NDUFA10: variants seen among roughly 807,000 people sequenced by gnomAD.
The protein encoded by NDUFA10 is NADH:ubiquinone oxidoreductase subunit A10, also known as NADH dehydrogenase [ubiquinone] 1 alpha subcomplex subunit 10, mitochondrial.
NDUFA10 carries 40 observed loss-of-function variants against 47.8 expected under a neutral mutation model. That is an observed-to-expected ratio of 0.84 (90% confidence interval 0.65 to 1.09). The LOEUF (loss-of-function observed/expected upper bound fraction) is 1.09, where lower values mean the gene tolerates loss of function less well. NDUFA10 is among the 50% of genes least tolerant of loss of function. NDUFA10 has a pLI of 0.00. For synonymous variants in NDUFA10, 183 were observed against 172.2 expected, an observed-to-expected ratio of 1.06 and a Z score of -0.49; for missense variants, 413 against 451.1, an observed-to-expected ratio of 0.92 and a Z score of 0.76.
intron 9 of NDUFA10, among the ~76,000 whole-genome samples, chr2:239,979,827 C>T (rs913377893): frequency 6.6e-6 from 1 of 152,128 alleles, no homozygotes; most frequent in Non-Finnish European, 1.5e-5. Flanking sequence ...GTGGCAGCTG[C>T]GGACCCCGGC....
At chr2:239,964,323 G>A (rs748033339) in intron 9 of NDUFA10, among the ~76,000 whole-genome samples, 1 of 152,162 alleles carries the variant, frequency 6.6e-6, no homozygotes, top group Non-Finnish European at 1.5e-5. Flanking sequence ...GTGGGGCCAG[G>A]TGCTGAGGAA....
intron 6 of NDUFA10, among the ~76,000 whole-genome samples, chr2:240,009,334 A>G (rs1697056972): frequency 6.6e-6 from 1 of 152,350 alleles, no homozygotes; most frequent in Middle Eastern, 3.4e-3. Flanking sequence ...ACTGGGAGCT[A>G]GCAGTGTTGG....
chr2:239,974,571 T>C (rs979508780), intron 9 of NDUFA10, among the ~76,000 whole-genome samples: 1 of 152,256 alleles, frequency 6.6e-6, no homozygotes, highest in African/African-American at 2.4e-5. Flanking sequence ...GGGAAGTGTT[T>C]GGATCATGCG....
At chr2:239,921,474 T>C (rs1693981869) in intron 4 of NDUFA10, among the ~76,000 whole-genome samples, 1 of 152,164 alleles carries the variant, frequency 6.6e-6, no homozygotes, top group African/African-American at 2.4e-5. Context: ...GTGCCCTTTT[T>C]TCAATCTTCC....
chr2:240,024,196 T>C (rs1310066413), intron 1 of NDUFA10, among the ~76,000 whole-genome samples: 4 of 152,258 alleles, frequency 2.6e-5, no homozygotes, highest in African/African-American at 9.6e-5. Flanking sequence ...GCTTTATTCA[T>C]AATTGCCAAA....
At chr2:239,956,049 C>G (rs2106387136), downstream of NDUFA10, among the ~76,000 whole-genome samples, 1 of 152,310 alleles carries the variant, frequency 6.6e-6, no homozygotes, top group South Asian at 2.1e-4. Flanking sequence ...AGCCAGGTTC[C>G]AGGCAGGGAC....
chr2:239,951,559 G>A (rs1291930243), intron 4 of NDUFA10, among the ~76,000 whole-genome samples: 1 of 152,180 alleles, frequency 6.6e-6, no homozygotes, highest in Non-Finnish European at 1.5e-5. Flanking sequence ...GGTCCCCTCA[G>A]CACCCAGTAC....
chr2:239,960,970 G>A lies in NDUFA10; in HGVS notation c.*148C>T. 1.3e-6 allele frequency: 2 copies of A among 1,537,444 alleles called. No homozygotes were observed. The highest frequency in any genetic ancestry group is 1.8e-6 in the Non-Finnish European group (2 of 1,141,398). On this transcript the variant is annotated 3_prime_UTR_variant, in exon 10 of 10. Transcript: ENST00000252711. Reference sequence around the variant, plus strand: ...ACTCCATTACCTATACTACAGGATGGATTGCTTTTTGTGAGACCCCTTCTT... The same window carrying A: ...ACTCCATTACCTATACTACAGGATGAATTGCTTTTTGTGAGACCCCTTCTT...
intron 9 of NDUFA10, among the ~76,000 whole-genome samples, chr2:239,961,738 C>T (rs1208108617): frequency 6.6e-6 from 1 of 152,178 alleles, no homozygotes; most frequent in African/African-American, 2.4e-5. Context: ...TTCAGGAAAA[C>T]CAGCAAAGGA....
chr2:239,946,666 G>A (rs907269929), intron 4 of NDUFA10, among the ~76,000 whole-genome samples: 12 of 152,376 alleles, frequency 7.9e-5, no homozygotes, highest in African/African-American at 2.4e-4. Context: ...TCCTGACGCT[G>A]GTGCAGGACC....
rs746709538 is a variant in NDUFA10, at chr2:240,021,305, A to C, written c.352T>G (p.Tyr118Asp). Residue 118 changes from tyrosine to aspartate, a missense_variant, in exon 3 of 10, where the codon TAC becomes GAC. Transcript: ENST00000252711. ...CCATCATTGCTTCTCGGATCATCGT[A>C]AAATTTCTCCAAACTACAGTTGCCA... ...YNGNCSLEKFYDDPRSNDGNS... is the reference protein window; with the variant it reads ...YNGNCSLEKFDDDPRSNDGNS... 1.2e-6 allele frequency: 2 copies of C among 1,614,186 alleles called. No individual in the cohort carries two copies. The highest frequency in any genetic ancestry group is 2.2e-5 in the South Asian group (2 of 91,088).
At chr2:239,916,965 A>C (rs1693890499) in intron 4 of NDUFA10, among the ~76,000 whole-genome samples, 1 of 152,220 alleles carries the variant, frequency 6.6e-6, no homozygotes, top group Non-Finnish European at 1.5e-5. Flanking sequence ...CTCTGGCATT[A>C]CAGGGCAGAC....
chr2:240,013,100 T>G (rs1480409999), intron 5 of NDUFA10: 2 of 152,280 alleles, frequency 1.3e-5, no homozygotes, highest in African/African-American at 4.8e-5. Flanking sequence ...CTCAGAAATC[T>G]GACCTGAAGT....
intron 4 of NDUFA10, among the ~76,000 whole-genome samples, chr2:239,950,056 G>A (rs534212247): frequency 9.2e-5 from 14 of 152,230 alleles, no homozygotes; most frequent in East Asian, 5.8e-4. Context: ...AAATCAGGCC[G>A]TCCCCACCTG....
At chr2:239,999,810 C>A (rs908028962) in intron 8 of NDUFA10, among the ~76,000 whole-genome samples, 1 of 152,238 alleles carries the variant, frequency 6.6e-6, no homozygotes, top group Non-Finnish European at 1.5e-5. Flanking sequence ...ACAACAGAGC[C>A]TTCCCGTGGC....
At chr2:239,896,517 A>G (rs1693400467) in intron 4 of NDUFA10, among the ~76,000 whole-genome samples, 1 of 152,230 alleles carries the variant, frequency 6.6e-6, no homozygotes, top group Non-Finnish European at 1.5e-5. Context: ...TGACCCAGAC[A>G]CTGCAACCAG....
At chr2:239,988,149 T>C (rs1362236045) in intron 9 of NDUFA10, among the ~76,000 whole-genome samples, 2 of 152,092 alleles carry the variant, frequency 1.3e-5, no homozygotes, top group Non-Finnish European at 2.9e-5. Context: ...TTACAAGGTA[T>C]CCATATTGAA....
At chr2:239,919,660 A>C (rs1693936005) in intron 4 of NDUFA10, among the ~76,000 whole-genome samples, 1 of 152,160 alleles carries the variant, frequency 6.6e-6, no homozygotes, top group Admixed American at 6.5e-5. Flanking sequence ...ATTCCTGTGA[A>C]ACTGAGGCCC....
rs959808102 is a variant in NDUFA10 at position 239,906,149 on chromosome 2, T to A, written c.295-10835A>T. 1.3e-5 allele frequency among the ~76,000 whole-genome samples: 2 copies of A among 152,152 alleles called. No homozygotes were observed. The highest frequency in any genetic ancestry group is 4.8e-5 in the African/African-American group (2 of 41,418). On this transcript the variant is annotated intron_variant, in intron 4 of 5. Transcript: ENST00000419408. This position sits in a 1 kb window ranked among gnomAD's most constrained non-coding sequence, Gnocchi z 4.3. ...CGGGGGCTCTGGGCGGGCCCTGCTC[T>A]GTGCCTAGATATTTCACACTCCAGC...
Sources: gnomAD v4.1 joint callset for allele counts (sites outside exome capture counted in the v4.1 genomes callset) on GRCh38, gnomAD v4.1.1 for gene constraint, Gnocchi (gnomAD v3.1) non-coding constraint, MANE v1.5 for transcripts, NCBI Gene and HGNC (gene_info 2026-07-23, HGNC 2026-07-21) for gene names.